Variants in CUX1 observed in about 807,000 individuals in gnomAD.
CUX1 encodes protein CASP.
CUX1 carries 31 observed loss-of-function variants against 158.8 expected under a neutral mutation model. The observed-to-expected ratio is 0.20, with a 90% confidence interval of 0.15 to 0.26. The LOEUF (loss-of-function observed/expected upper bound fraction) is 0.26. Ranked by LOEUF, CUX1 falls within the 10% of genes least tolerant of loss-of-function variation. The pLI is 1.00. For synonymous variants in CUX1, 879 were observed against 862.1 expected (o/e 1.02, Z -0.34); for missense variants, 1,589 against 2,014.6 (o/e 0.79, Z 4.04).
chr7:102,005,616 G>C (rs564270424), intron 2 of CUX1, among the ~76,000 whole-genome samples: 1 of 152,258 alleles, frequency 6.6e-6, no homozygotes, highest in Admixed American at 6.5e-5. Context: ...GGTTATAGAC[G>C]TGAGCCACTG....
intron 1 of CUX1, among the ~76,000 whole-genome samples, chr7:101,906,873 T>G (rs1171267089): frequency 6.6e-6 from 1 of 152,156 alleles, no homozygotes; most frequent in Non-Finnish European, 1.5e-5. Context: ...TCCCTCCCAC[T>G]GTCCCATCTT....
intron 3 of CUX1, among the ~76,000 whole-genome samples, chr7:102,043,730 C>G (rs77502303): frequency 6.6e-6 from 1 of 152,140 alleles, no homozygotes; most frequent in East Asian, 1.9e-4. Flanking sequence ...ATTTCAATCC[C>G]TTTGTGGTGT....
rs202147589 is a variant in CUX1 at position 102,201,754 on chromosome 7, C to A, written c.2457C>A (p.Ala819=). ...AAAATGAGGTGGGCCGCAGCGGTGC[C>A]TGGAAGGACCACTGGTGGAGCGCGG... ...QVKNEVGRSG[A]WKDHWWSAVQ... The change falls in exon 18 of 24, where the codon GCC becomes GCA. Residue 819 remains alanine (A), a synonymous_variant. Transcript: ENST00000292535. The surrounding 1 kb of genome is among the most constrained non-coding windows in gnomAD (Gnocchi z 5.0). 2 of 1,612,666 alleles carry A rather than the reference C, an allele frequency of 1.2e-6. No individual in the cohort carries two copies. The highest frequency in any genetic ancestry group is 1.1e-5 in the South Asian group (1 of 91,078).
At chr7:101,926,602 G>C (rs1194825563) in intron 2 of CUX1, among the ~76,000 whole-genome samples, 1 of 152,134 alleles carries the variant, frequency 6.6e-6, no homozygotes, top group South Asian at 2.1e-4. Context: ...CTTAACCCCA[G>C]TTTCTTCGTC....
chr7:102,118,432 T>C lies in CUX1; in HGVS notation c.674+3159T>C, dbSNP rs553678244. ...TCCTAACTGTAGTCCTGGATACTTA[T>C]GAGTCTGAAGTGGGAGGATCGCTTG... is the stretch of plus-strand genomic sequence containing the variant. On this transcript the variant is annotated intron_variant, in intron 8 of 23. Transcript: ENST00000292535. Among the ~76,000 whole-genome samples, 22 of 152,172 alleles carry C rather than the reference T, an allele frequency of 1.4e-4. No individual in the cohort carries two copies. The South Asian group carries it at 1.7e-3, about 11-fold the overall frequency.
At chr7:102,097,681 C>T (rs1413092160) in intron 5 of CUX1, among the ~76,000 whole-genome samples, 180 bp downstream of exon 5, 2 of 145,744 alleles carry the variant, frequency 1.4e-5, no homozygotes, top group Non-Finnish European at 3.0e-5. Context: ...TGAGCTATTT[C>T]GAAGTAAAAC....
At chr7:102,138,449 T>TC in intron 8 of CUX1, among the ~76,000 whole-genome samples, 1 of 152,274 alleles carries the variant, frequency 6.6e-6, no homozygotes, top group African/African-American at 2.4e-5. Context: ...CCTCTGAATG[T>TC]CCCCTGAGCC....
intron 20 of CUX1, among the ~76,000 whole-genome samples, chr7:102,223,162 C>T (rs1413018685): frequency 6.6e-6 from 1 of 151,878 alleles, no homozygotes; most frequent in South Asian, 2.1e-4. Flanking sequence ...GTGGCTCACA[C>T]CTGTAATTCA....
At chr7:102,129,991 A>G (rs1345257243) in intron 8 of CUX1, among the ~76,000 whole-genome samples, 1 of 152,164 alleles carries the variant, frequency 6.6e-6, no homozygotes, top group Admixed American at 6.5e-5. Flanking sequence ...TCAAAGAATG[A>G]AAAGTTTCCT....
rs1554541362 is a variant in CUX1 at position 102,254,475 on chromosome 7, C to G, written c.*5433C>G. 1.0e-6 allele frequency: 1 copy of G among 985,374 alleles called. No individual in the cohort carries two copies. Among genetic ancestry groups the G allele is most frequent in the East Asian group, 1.1e-4 (1 of 8,826 alleles). The allele number at this position is 985,374 out of a possible 1,614,324, so 61.0% of individuals were successfully genotyped here. A position where few individuals can be genotyped will look rare whatever the true frequency, so the allele number is the denominator to read the frequency against. On this transcript the variant is annotated 3_prime_UTR_variant, in exon 24 of 24. Transcript: ENST00000292535. ...TCCACAGTGGCATCACCCTCTTATC[C>G]CAAAAGAATATGCCAGTTCCCATCC...
chr7:101,887,023 G>A (rs1204200029), intron 1 of CUX1, among the ~76,000 whole-genome samples: 1 of 152,182 alleles, frequency 6.6e-6, no homozygotes, highest in Non-Finnish European at 1.5e-5. Context: ...ATTGCCCAAA[G>A]GATGGACCAG....
At chr7:102,194,042 G>A in intron 13 of CUX1, 152 bp downstream of exon 13, 1 of 762,210 alleles carries the variant, frequency 1.3e-6, no homozygotes, top group South Asian at 1.7e-5. Flanking sequence ...CCAAGTTGAA[G>A]CAAATTATCT....
rs115264853 is a variant in CUX1 at position 101,880,445 on chromosome 7, T to G, written c.31-35670T>G. ...TCGGCCTCATAAAGAAACAGATGGTTCATCAGGAATAGCTCAGAAATCACG... is the reference window on the plus strand; with the variant it reads ...TCGGCCTCATAAAGAAACAGATGGTGCATCAGGAATAGCTCAGAAATCACG... On this transcript the variant is annotated intron_variant, in intron 1 of 23. Coordinates refer to ENST00000292535, the MANE Select transcript of CUX1 (RefSeq NM_181552.4). 2.2e-3 allele frequency among the ~76,000 whole-genome samples: 338 copies of G among 152,254 alleles called. 2 individuals are homozygous for G. The highest frequency in any genetic ancestry group is 7.8e-3 in the African/African-American group (325 of 41,550).
intron 2 of CUX1, among the ~76,000 whole-genome samples, chr7:101,922,986 C>T (rs1338527941): frequency 6.6e-6 from 1 of 152,370 alleles, no homozygotes; most frequent in African/African-American, 2.4e-5. Context: ...TTAGCTTTTC[C>T]GTTTGCCGTT....
chr7:101,848,346 A>G (rs1795926822), intron 1 of CUX1, among the ~76,000 whole-genome samples: 1 of 152,134 alleles, frequency 6.6e-6, no homozygotes, highest in Admixed American at 6.6e-5. Flanking sequence ...GGGTGTGAGC[A>G]GCTTCCACAT....
At chr7:102,281,754 C>A in intron 20 of CUX1, 1 of 892,090 alleles carries the variant, frequency 1.1e-6, no homozygotes. Context: ...CCTTGCCACC[C>A]TAGGGCCCTT....
At position 102,249,311 on chromosome 7, in the gene CUX1, G is replaced by A. The variant is rs894916595; in HGVS notation, c.*269G>A. ...CAACCCCGCGGCCCAGACCCAGCCC[G>A]CGGCCTGGACCCCTGGACCGCTTTG... On this transcript the variant is annotated 3_prime_UTR_variant, in exon 24 of 24. Coordinates refer to ENST00000292535, the MANE Select transcript of CUX1 (RefSeq NM_181552.4). The A allele has an allele frequency of 4.0e-5, 41 of 1,029,424 alleles. No individual in the cohort carries two copies. The highest frequency in any genetic ancestry group is 4.0e-5 in the Non-Finnish European group (34 of 858,010). The allele number at this position is 1,029,424 out of a possible 1,614,324, so 63.8% of individuals were successfully genotyped here. A position where few individuals can be genotyped will look rare whatever the true frequency, so the allele number is the denominator to read the frequency against.
chr7:102,061,218 C>A (rs1180965896), intron 3 of CUX1, among the ~76,000 whole-genome samples: 3 of 152,120 alleles, frequency 2.0e-5, no homozygotes, highest in African/African-American at 7.2e-5. Flanking sequence ...AGTCACTGTG[C>A]CCAGCCAAAG....
At chr7:101,890,792 C>T (rs956986688) in intron 1 of CUX1, among the ~76,000 whole-genome samples, 11 of 152,154 alleles carry the variant, frequency 7.2e-5, no homozygotes, top group African/African-American at 2.2e-4. Flanking sequence ...AAGTTAACCT[C>T]GAACTCTTCC....
Sources: allele counts gnomAD v4.1 joint callset (sites outside exome capture counted in the v4.1 genomes callset), GRCh38; gene constraint gnomAD v4.1.1; non-coding constraint Gnocchi (gnomAD v3.1); transcripts MANE v1.5; gene names NCBI Gene and HGNC (gene_info 2026-07-23, HGNC 2026-07-21).